The following PCM1 variants were observed in gnomAD, a reference collection of about 807,000 sequenced individuals.
PCM1 encodes pericentriolar material 1, also known as pericentriolar material 1 protein.
Under a neutral mutation model 241.9 loss-of-function variants are expected in PCM1, and 157 were observed. The observed-to-expected ratio is 0.65, with a 90% CI of 0.57 to 0.74. PCM1 has a LOEUF of 0.74. PCM1 is among the 30% of genes least tolerant of loss of function. The pLI, the probability that PCM1 is intolerant of heterozygous loss-of-function variation, is 0.00. For missense variants in PCM1, 3,478 were observed against 2,360.1 expected (o/e 1.47, Z -9.81); for synonymous variants, 1,085 against 784.9 (o/e 1.38, Z -6.39).
Position 17,969,654 on chromosome 8 carries a change from C to G in PCM1, c.3490C>G (p.Gln1164Glu), listed in dbSNP as rs1434361787. Residue 1164 changes from glutamine to glutamate, a missense_variant, in exon 22 of 39, where the codon CAA (glutamine) becomes GAA (glutamate). Gln to Glu is a conservative substitution (Grantham distance 29, BLOSUM62 2). Coordinates refer to ENST00000325083, the MANE Select transcript of PCM1 (RefSeq NM_006197.4). ...QNISTPSEQQ[Q>E]PLAQNSSGKT... The stretch of plus-strand genomic sequence containing the variant: ...TATCTCTACACCCAGTGAACAGCAG[C>G]AACCCTTAGCCCAGAATTCTTCAGG... The G allele has an allele frequency of 1.2e-6, 2 of 1,612,656 alleles. No individual in the cohort carries two copies. Among genetic ancestry groups the G allele is most frequent in the Admixed American group, 3.3e-5 (2 of 59,978 alleles).
intron 5 of PCM1, 140 bp downstream of exon 5, chr8:17,939,149 G>T (rs1373814147): frequency 1.4e-6 from 1 of 712,642 alleles, no homozygotes. Flanking sequence ...TTGTTAATCT[G>T]CCAGATTTAC....
chr8:17,952,955 T>G lies in PCM1; in HGVS notation c.1072-15T>G, dbSNP rs6586674. ...TAGTCTTAATTCTTCTTTTTTGTTG[T>G]TTTTTTTTAATAAGCCTCCAGCTGT... On this transcript the variant is annotated splice_polypyrimidine_tract_variant and intron_variant, in intron 8 of 38. Coordinates refer to ENST00000325083, the MANE Select transcript of PCM1 (RefSeq NM_006197.4). 2.1e-4 allele frequency: 305 copies of G among 1,435,630 alleles called. No homozygotes were observed. The highest frequency in any genetic ancestry group is 2.5e-4 in the Non-Finnish European group (266 of 1,066,268). The allele number at this position is 1,435,630 out of a possible 1,614,324, so 88.9% of individuals were successfully genotyped here. A position where few individuals can be genotyped will look rare whatever the true frequency, so the allele number is the denominator to read the frequency against.
chr8:17,947,772 A>G (rs960425047), intron 7 of PCM1, among the ~76,000 whole-genome samples: 4 of 152,208 alleles, frequency 2.6e-5, no homozygotes, highest in Non-Finnish European at 4.4e-5. Context: ...GAGTAAATTT[A>G]TAAAGTGTCT....
intron 21 of PCM1, 117 bp from the exon 22 acceptor site, chr8:17,969,456 TTAAC>T (rs1467600562): frequency 2.5e-5 from 18 of 717,330 alleles, no homozygotes; most frequent in Non-Finnish European, 3.6e-5. Flanking sequence ...TTTTTTTTAA[TTAAC>T]AGTTTTTTGT....
chr8:17,968,762 G>GTGTGTGTGTATA (rs373502456), intron 21 of PCM1, among the ~76,000 whole-genome samples: 736 of 136,734 alleles, frequency 5.4e-3, no homozygotes, highest in African/African-American at 6.0e-3. Context: ...GTGTGTGTGT[G>GTGTGTGTGTATA]TATATATATA....
rs1168014252 is a variant in PCM1 at position 18,025,641 on chromosome 8, A to G, written c.6032A>G (p.Glu2011Gly). The G allele has an allele frequency of 6.5e-7, 1 of 1,547,024 alleles. No homozygotes were observed. Among genetic ancestry groups the G allele is most frequent in the African/African-American group, 1.4e-5 (1 of 73,452 alleles). ...ACCGAAGAATTAGCTGGAAATTCTGAGACACTAAAAGAACCTGGTAAGAGT... is the reference window on the plus strand; with the variant it reads ...ACCGAAGAATTAGCTGGAAATTCTGGGACACTAAAAGAACCTGGTAAGAGT... Reference protein sequence around the residue: ...MQTEELAGNSETLKEPETVGA... With the variant: ...MQTEELAGNSGTLKEPETVGA... The change falls in exon 38 of 39, where the codon GAG becomes GGG. Residue 2011 changes from glutamate (E) to glycine (G), a missense_variant. By Grantham distance (98) the Glu-to-Gly change is moderately conservative (BLOSUM62 -2). Transcript: ENST00000325083.
chr8:17,985,857 T>C, intron 25 of PCM1, 102 bp from the exon 26 acceptor site: 2 of 842,492 alleles, frequency 2.4e-6, no homozygotes, highest in South Asian at 4.4e-5. Context: ...GTAGAAACAG[T>C]ACATTTTTCC....
intron 2 of PCM1, among the ~76,000 whole-genome samples, chr8:17,934,061 A>G (rs1349902610): frequency 6.6e-6 from 1 of 152,054 alleles, no homozygotes; most frequent in Non-Finnish European, 1.5e-5. Context: ...TTATTTTGAG[A>G]TAAAATTTAA....
chr8:17,965,890 A>T (rs112947101), intron 18 of PCM1, 109 bp from the exon 19 acceptor site: 12 of 682,586 alleles, frequency 1.8e-5, no homozygotes, highest in African/African-American at 1.1e-4. Context: ...ATGTTCTTTT[A>T]ATTTAAAACA....
chr8:17,950,269 G>A (rs1459440313), intron 7 of PCM1, among the ~76,000 whole-genome samples: 1 of 152,168 alleles, frequency 6.6e-6, no homozygotes, highest in Non-Finnish European at 1.5e-5. Flanking sequence ...GTCAGAATCA[G>A]CTGTGCTTTT....
rs2061236266 is a variant in PCM1 at position 17,938,954 on chromosome 8, A to G, written c.557A>G (p.Asn186Ser). ...GCTTTAAGTAATGACCTCTTGCAAA[A>G]CTGTCAGGTGTCTGAAGAAGATGGG... is the stretch of plus-strand genomic sequence containing the variant. ...ASALSNDLLQNCQVSEEDGRG... is the reference protein window; with the variant it reads ...ASALSNDLLQSCQVSEEDGRG... The change falls in exon 5 of 39, where the codon AAC (asparagine) becomes AGC (serine). Residue 186 changes from asparagine (N) to serine (S), a missense_variant. By Grantham distance (46) the Asn-to-Ser change is conservative (BLOSUM62 1). Transcript: ENST00000325083. 6.2e-7 allele frequency: 1 copy of G among 1,613,754 alleles called. No homozygotes were observed. Among genetic ancestry groups the G allele is most frequent in the Non-Finnish European group, 8.5e-7 (1 of 1,179,670 alleles).
At chr8:18,020,196 TACTC>T (rs2093643413) in intron 36 of PCM1, among the ~76,000 whole-genome samples, 1 of 152,204 alleles carries the variant, frequency 6.6e-6, no homozygotes. Context: ...TAGGAGTCCT[TACTC>T]AGAAACGTGG....
chr8:17,926,021 GACTA>G (rs534384104), intron 2 of PCM1: 4 of 150,718 alleles, frequency 2.7e-5, no homozygotes, highest in Admixed American at 1.3e-4. Flanking sequence ...TAAACTGGAA[GACTA>G]ACAAAACAGG....
chr8:17,942,602 G>T (rs1041204774), intron 6 of PCM1, among the ~76,000 whole-genome samples: 14 of 152,058 alleles, frequency 9.2e-5, no homozygotes, highest in East Asian at 7.7e-4. Context: ...TTTTTTGCTG[G>T]TTTTTTCTGC....
Position 17,946,543 on chromosome 8 carries a change from C to T in PCM1, c.784-643C>T, listed in dbSNP as rs139532052. On this transcript the variant is annotated intron_variant, in intron 6 of 38. Transcript: ENST00000325083. ...ACGGGGTCTCGCTCTGTCACCCAGG[C>T]TGGAGTGCAATGGTGCAGTCTCAGC... 6.2e-3 allele frequency among the ~76,000 whole-genome samples: 947 copies of T among 151,602 alleles called. 3 individuals are homozygous for T. The highest frequency in any genetic ancestry group is 8.3e-3 in the Non-Finnish European group (565 of 67,938).
At chr8:17,928,274 A>G (rs1460685088) in intron 2 of PCM1, among the ~76,000 whole-genome samples, 1 of 152,226 alleles carries the variant, frequency 6.6e-6, no homozygotes, top group Non-Finnish European at 1.5e-5. Context: ...ATGAGTGAAT[A>G]GTCTCTCGTT....
chr8:18,008,163 A>G (rs1244721054), intron 30 of PCM1, among the ~76,000 whole-genome samples: 4 of 152,124 alleles, frequency 2.6e-5, no homozygotes, highest in Non-Finnish European at 5.9e-5. Context: ...GCAAAGCTTC[A>G]TCTGTATTTA....
At position 17,957,723 on chromosome 8, in the gene PCM1, T is replaced by G. The variant is rs371881114; in HGVS notation, c.1988T>G (p.Met663Arg). 6 of 1,613,740 alleles carry G rather than the reference T, an allele frequency of 3.7e-6. No individual in the cohort carries two copies. Among genetic ancestry groups the G allele is most frequent in the Admixed American group, 3.3e-5 (2 of 59,984 alleles). The change falls in exon 13 of 39, where the codon ATG (methionine) becomes AGG (arginine). Residue 663 changes from methionine to arginine, a missense_variant. Transcript: ENST00000325083. Reference sequence around the variant, plus strand: ...TTTGAACAGAAGATCAACCGACTTATGGCTGCAAAACAGAAACTTAGACAG... The same window carrying G: ...TTTGAACAGAAGATCAACCGACTTAGGGCTGCAAAACAGAAACTTAGACAG... ...AEFEQKINRL[M>R]AAKQKLRQLQ...
At chr8:17,982,854 A>C (rs2081357657) in intron 24 of PCM1, among the ~76,000 whole-genome samples, 1 of 152,104 alleles carries the variant, frequency 6.6e-6, no homozygotes, top group South Asian at 2.1e-4. Context: ...CATGTAAGGC[A>C]TGTTACTTTT....
Sources: allele counts gnomAD v4.1 joint callset (sites outside exome capture counted in the v4.1 genomes callset), GRCh38; gene constraint gnomAD v4.1.1; transcripts MANE v1.5; gene names NCBI Gene and HGNC (gene_info 2026-07-23, HGNC 2026-07-21).